The following MIDEAS variants were observed in gnomAD, a reference collection of about 807,000 sequenced individuals.
The protein encoded by MIDEAS is mitotic deacetylase-associated SANT domain protein.
Under a neutral mutation model 102.7 loss-of-function variants are expected in MIDEAS, and 26 were observed. That is an observed-to-expected ratio of 0.25 (90% CI 0.19 to 0.35). MIDEAS has a LOEUF of 0.35. Among genes scored for constraint, MIDEAS ranks in the 10% least tolerant of loss-of-function variants. MIDEAS has a pLI of 1.00. For synonymous variants in MIDEAS, 585 were observed against 591.0 expected, an observed-to-expected ratio of 0.99 and a Z score of 0.15; for missense variants, 1,231 against 1,435.6, an observed-to-expected ratio of 0.86 and a Z score of 2.30.
At chr14:73,786,843 G>A (rs1440690744) in intron 1 of MIDEAS, among the ~76,000 whole-genome samples, 1 of 151,292 alleles carries the variant, frequency 6.6e-6, no homozygotes, top group East Asian at 2.0e-4. Context: ...CCCTACCTCA[G>A]GCCAACGGCG....
chr14:73,764,927 G>A (rs2053582144), upstream of MIDEAS, among the ~76,000 whole-genome samples: 1 of 152,192 alleles, frequency 6.6e-6, no homozygotes, highest in Non-Finnish European at 1.5e-5. Context: ...GTCCCCAGTT[G>A]CTGCTGTCAC....
intron 9 of MIDEAS, chr14:73,723,427 C>A (rs2053022164): frequency 6.6e-6 from 1 of 152,326 alleles, no homozygotes; most frequent in African/African-American, 2.4e-5. Flanking sequence ...GCTGGAATCA[C>A]AGGCGTGAGC....
rs913967400 is a variant in MIDEAS at position 73,742,102 on chromosome 14, G to A, written c.-247-1847C>T. On this transcript the variant is annotated intron_variant, in intron 1 of 12. Coordinates refer to ENST00000423556, the MANE Select transcript of MIDEAS (RefSeq NM_001367710.1). This position sits in a 1 kb window ranked among gnomAD's most constrained non-coding sequence, Gnocchi z 4.4. ...GCACCCCCATGAAGCTGCAGGGTGG[G>A]ACTGTCTGGCTCCGCCTCTCCGAGG... Among the ~76,000 whole-genome samples the A allele has an allele frequency of 6.6e-6, 1 of 152,238 alleles. No homozygotes were observed. The highest frequency in any genetic ancestry group is 2.4e-5 in the African/African-American group (1 of 41,470).
chr14:73,755,585 G>C (rs2053470067), intron 1 of MIDEAS, among the ~76,000 whole-genome samples: 2 of 152,058 alleles, frequency 1.3e-5, no homozygotes, highest in Non-Finnish European at 2.9e-5. Context: ...AGCTCAGCCT[G>C]GGGCCTGGGC....
rs1008894719 is a variant in MIDEAS, at chr14:73,717,160, A to T, written c.*1683T>A. ...ACTCCCTCTCCACTCCCAGTTACTG[A>T]CATGATGCTTCTTGGCTATCTCATA... is the stretch of plus-strand genomic sequence containing the variant. On this transcript the variant is annotated 3_prime_UTR_variant, in exon 13 of 13. Transcript: ENST00000423556. 1.3e-5 allele frequency: 2 copies of T among 152,248 alleles called. No homozygotes were observed. Among genetic ancestry groups the T allele is most frequent in the Non-Finnish European group, 2.9e-5 (2 of 68,056 alleles). 9.4% of individuals were successfully genotyped at this position (152,248 alleles called of 1,614,324 possible). A position where few individuals can be genotyped will look rare whatever the true frequency, so the allele number is the denominator to read the frequency against.
intron 1 of MIDEAS, among the ~76,000 whole-genome samples, chr14:73,751,227 G>A (rs1014978255): frequency 2.0e-5 from 3 of 152,210 alleles, no homozygotes; most frequent in African/African-American, 7.2e-5. Flanking sequence ...CTTGCCTAAG[G>A]TCACAGCAGT....
chr14:73,769,916 T>G (rs59862836), intron 1 of MIDEAS, among the ~76,000 whole-genome samples: 21,024 of 148,382 alleles, frequency 0.14, 2,469 homozygotes, highest in East Asian at 0.66. Flanking sequence ...TTTTTTTTGT[T>G]TTTTTTTTTT....
In MIDEAS at chr14:73,725,784, G is replaced by A. The variant is rs1310988404; in HGVS notation, c.2485+249C>T. On this transcript the variant is annotated intron_variant, in intron 8 of 12. Coordinates refer to ENST00000423556, the MANE Select transcript of MIDEAS (RefSeq NM_001367710.1). The surrounding 1 kb of genome is among the most constrained non-coding windows in gnomAD (Gnocchi z 4.1). ...TGGCTCTCCATGGGTTCCTGTCCTTGTGGCCTGGGCTTTTTTGCCTGGATG... is the reference window on the plus strand; with the variant it reads ...TGGCTCTCCATGGGTTCCTGTCCTTATGGCCTGGGCTTTTTTGCCTGGATG... 1.3e-5 allele frequency among the ~76,000 whole-genome samples: 2 copies of A among 152,190 alleles called. No individual in the cohort carries two copies. Among genetic ancestry groups the A allele is most frequent in the Non-Finnish European group, 2.9e-5 (2 of 68,034 alleles).
intron 1 of MIDEAS, among the ~76,000 whole-genome samples, chr14:73,783,720 T>TA (rs1371306257): frequency 2.0e-5 from 3 of 152,168 alleles, no homozygotes; most frequent in African/African-American, 7.2e-5. Flanking sequence ...GAAGAAGGTT[T>TA]AAGGGGCTCA....
chr14:73,775,425 G>A (rs2053680889), intron 1 of MIDEAS, among the ~76,000 whole-genome samples: 1 of 151,998 alleles, frequency 6.6e-6, no homozygotes, highest in African/African-American at 2.4e-5. Flanking sequence ...CATTTCATCT[G>A]GACAAAAGTA....
intron 1 of MIDEAS, among the ~76,000 whole-genome samples, chr14:73,773,254 T>C (rs1329854853): frequency 6.6e-6 from 1 of 151,946 alleles, no homozygotes; most frequent in Admixed American, 6.6e-5. Context: ...ACTCTTATAA[T>C]GCACTTTTCC....
At position 73,721,281 on chromosome 14, in the gene MIDEAS, T is replaced by C. The variant is rs1012394127; in HGVS notation, c.2937+16A>G. 4.3e-6 allele frequency: 7 copies of C among 1,610,330 alleles called. No homozygotes were observed. The highest frequency in any genetic ancestry group is 5.9e-6 in the Non-Finnish European group (7 of 1,179,456). On this transcript the variant is annotated intron_variant, in intron 11 of 12. Coordinates refer to ENST00000423556, the MANE Select transcript of MIDEAS (RefSeq NM_001367710.1). ...CCCTGCTTGCCCTGGGCTCAGCCCA[T>C]GGTGGTCACACTCACCGACTCATTG...
upstream of MIDEAS, among the ~76,000 whole-genome samples, chr14:73,765,060 C>T (rs2053583210): frequency 6.6e-6 from 1 of 152,256 alleles, no homozygotes; most frequent in African/African-American, 2.4e-5. Context: ...GAGCTGCCAA[C>T]TTCTCAAAGG....
In MIDEAS at chr14:73,718,960, T is replaced by C; in HGVS notation, c.3183A>G (p.Ala1061=). ...GCGCTGCAGCCTTCTTCTCCTGCTC[T>C]GCGTGGCTCTTCATATGCGCACTGC... ...KSRSAHMKSH[A]EQEKKAAALR... The change falls in exon 13 of 13, where the codon GCA becomes GCG. Residue 1061 remains alanine (A), a synonymous_variant. Coordinates refer to ENST00000423556, the MANE Select transcript of MIDEAS (RefSeq NM_001367710.1). 6.6e-7 allele frequency: 1 copy of C among 1,520,006 alleles called. No homozygotes were observed. Among genetic ancestry groups the C allele is most frequent in the Non-Finnish European group, 8.8e-7 (1 of 1,141,518 alleles). The allele number at this position is 1,520,006 out of a possible 1,614,324, so 94.2% of individuals were successfully genotyped here.
intron 12 of MIDEAS, 39 bp from the exon 13 acceptor site, chr14:73,719,047 C>T: frequency 6.9e-7 from 1 of 1,450,804 alleles, no homozygotes; most frequent in African/African-American, 1.4e-5. Flanking sequence ...CGGCCTAGCC[C>T]ACCCGGGGGC....
At position 73,718,919 on chromosome 14, in the gene MIDEAS, T is replaced by C; in HGVS notation, c.3224A>G (p.Lys1075Arg). The change falls in exon 13 of 13, where the codon AAA becomes AGA. Residue 1075 changes from lysine (K) to arginine (R), a missense_variant. Physicochemically the swap from Lys to Arg is conservative, Grantham distance 26 (BLOSUM62 2). Coordinates refer to ENST00000423556, the MANE Select transcript of MIDEAS (RefSeq NM_001367710.1). ...GGCGGCGGCGGCAGCAGCGGCCTCTTTCTCCTTCAGCCTCAGCGCTGCAGC... is the reference window on the plus strand; with the variant it reads ...GGCGGCGGCGGCAGCAGCGGCCTCTCTCTCCTTCAGCCTCAGCGCTGCAGC... ...KKAAALRLKE[K>R]EAAAAAAAAH... 6.6e-7 allele frequency: 1 copy of C among 1,524,782 alleles called. No homozygotes were observed. Among genetic ancestry groups the C allele is most frequent in the Non-Finnish European group, 8.8e-7 (1 of 1,142,666 alleles). The allele number at this position is 1,524,782 out of a possible 1,614,324, so 94.5% of individuals were successfully genotyped here. A position where few individuals can be genotyped will look rare whatever the true frequency, so the allele number is the denominator to read the frequency against.
upstream of MIDEAS, chr14:73,789,931 A>G (rs1157781772): frequency 6.6e-6 from 1 of 152,286 alleles, no homozygotes; most frequent in African/African-American, 2.4e-5. Context: ...GCTTGGCCCA[A>G]ACAGTGGCTG....
chr14:73,732,952 T>C (rs2336075), intron 3 of MIDEAS, among the ~76,000 whole-genome samples: 123,391 of 151,348 alleles, frequency 0.82, 50,844 homozygotes, highest in East Asian at 0.94. Flanking sequence ...ATTAGCTGGG[T>C]GTGGTGGTGG....
At chr14:73,729,139 A>G (rs2053103567) in intron 4 of MIDEAS, 1 of 153,956 alleles carries the variant, frequency 6.5e-6, no homozygotes. Flanking sequence ...GCTTTTGGCC[A>G]AAAAGACTGT....
Sources: gnomAD v4.1 joint callset for allele counts (sites outside exome capture counted in the v4.1 genomes callset) on GRCh38, gnomAD v4.1.1 for gene constraint, Gnocchi (gnomAD v3.1) non-coding constraint, MANE v1.5 for transcripts, NCBI Gene and HGNC (gene_info 2026-07-23, HGNC 2026-07-21) for gene names.